NRXN3: variants seen among roughly 807,000 people sequenced by gnomAD.
NRXN3 encodes the protein neurexin 3.
NRXN3 carries 32 observed loss-of-function variants against 137.6 expected under a neutral mutation model. The observed-to-expected ratio is 0.23, with a 90% CI of 0.18 to 0.31. NRXN3 has a LOEUF of 0.31. NRXN3 is among the 10% of genes least tolerant of loss of function. The pLI is 1.00. For missense variants in NRXN3, 1,574 were observed against 2,062.5 expected (o/e 0.76, Z 4.59); for synonymous variants, 798 against 784.5 (o/e 1.02, Z -0.29).
In NRXN3 at chr14:79,744,201, T is replaced by C. The variant is rs117521107; in HGVS notation, c.4014+46264T>C. Among the ~76,000 whole-genome samples the C allele has an allele frequency of 5.5e-3, 835 of 152,298 alleles. 4 individuals carry two copies. The highest frequency in any genetic ancestry group is 9.8e-3 in the Non-Finnish European group (669 of 68,032). ...ACTGTTGTTGGCCACAGAGCTTCAATATGTCGTGAACAAGGGTTAGATGTG... is the reference window on the plus strand; with the variant it reads ...ACTGTTGTTGGCCACAGAGCTTCAACATGTCGTGAACAAGGGTTAGATGTG... On this transcript the variant is annotated intron_variant, in intron 19 of 20. Coordinates refer to ENST00000335750, the MANE Select transcript of NRXN3 (RefSeq NM_001330195.2).
intron 16 of NRXN3, among the ~76,000 whole-genome samples, chr14:79,503,795 T>C (rs144992933): frequency 6.6e-6 from 1 of 152,316 alleles, no homozygotes; most frequent in African/African-American, 2.4e-5. Flanking sequence ...AATGAGGTGA[T>C]GAATCAATCC....
chr14:79,256,178 C>G (rs948208050), intron 15 of NRXN3, among the ~76,000 whole-genome samples: 2 of 151,138 alleles, frequency 1.3e-5, no homozygotes, highest in Admixed American at 6.6e-5. Flanking sequence ...CTCTGTCTCT[C>G]TCTCTCTCTC....
intron 4 of NRXN3, among the ~76,000 whole-genome samples, chr14:78,584,895 G>A (rs2097045686): frequency 6.6e-6 from 1 of 151,996 alleles, no homozygotes; most frequent in African/African-American, 2.4e-5. Flanking sequence ...ACTAGATGAT[G>A]GTATTATATA....
At chr14:79,776,896 C>CTGGGGCTACTTATCAAA (rs1236007154) in intron 19 of NRXN3, among the ~76,000 whole-genome samples, 3 of 152,214 alleles carry the variant, frequency 2.0e-5, no homozygotes, top group Non-Finnish European at 4.4e-5. Flanking sequence ...TTTGGTTGTT[C>CTGGGGCTACTTATCAAA]ATCTGATTCA....
intron 15 of NRXN3, among the ~76,000 whole-genome samples, chr14:79,384,953 A>G (rs1793618548): frequency 6.6e-6 from 1 of 152,232 alleles, no homozygotes; most frequent in African/African-American, 2.4e-5. Flanking sequence ...ACTGTTAATT[A>G]GTTAGTGGTT....
intron 10 of NRXN3, among the ~76,000 whole-genome samples, chr14:78,916,704 A>G (rs532779070): frequency 2.6e-5 from 4 of 152,350 alleles, no homozygotes; most frequent in Admixed American, 2.0e-4. Flanking sequence ...GTGATAGAGC[A>G]TACCTCACGT....
At chr14:78,171,801 A>C (rs1595535815) in intron 1 of NRXN3, among the ~76,000 whole-genome samples, 1 of 152,306 alleles carries the variant, frequency 6.6e-6, no homozygotes, top group Non-Finnish European at 1.5e-5. Flanking sequence ...TGGATGTAGA[A>C]ATATCATCAT....
At chr14:79,821,627 A>G (rs2099272731) in intron 20 of NRXN3, among the ~76,000 whole-genome samples, 1 of 149,854 alleles carries the variant, frequency 6.7e-6, no homozygotes, top group Non-Finnish European at 1.5e-5. Flanking sequence ...ACATTATCAA[A>G]TTAAACAGCA....
intron 16 of NRXN3, among the ~76,000 whole-genome samples, chr14:79,526,749 T>A (rs972017125): frequency 1.3e-5 from 2 of 152,106 alleles, no homozygotes; most frequent in African/African-American, 4.8e-5. Flanking sequence ...TATGTAACAA[T>A]GTACAGCTAG....
chr14:79,073,399 T>G (rs991640678), intron 15 of NRXN3, among the ~76,000 whole-genome samples: 7 of 152,186 alleles, frequency 4.6e-5, no homozygotes, highest in African/African-American at 1.7e-4. Flanking sequence ...GATTAGTATC[T>G]TAAAGACAAA....
At chr14:78,252,896 T>G (rs964573787) in intron 2 of NRXN3, among the ~76,000 whole-genome samples, 1 of 152,264 alleles carries the variant, frequency 6.6e-6, no homozygotes, top group East Asian at 1.9e-4. Context: ...CACTTCTTTG[T>G]GATCCACATC....
chr14:79,153,242 T>C (rs930281953), intron 15 of NRXN3, among the ~76,000 whole-genome samples: 1 of 152,038 alleles, frequency 6.6e-6, no homozygotes, highest in African/African-American at 2.4e-5. Context: ...AACACAGCTA[T>C]TTTCAAAACA....
At chr14:78,471,997 G>A (rs1388770271) in intron 4 of NRXN3, among the ~76,000 whole-genome samples, 2 of 152,252 alleles carry the variant, frequency 1.3e-5, no homozygotes, top group East Asian at 1.9e-4. Flanking sequence ...GAGAATCCCC[G>A]AAAAAGAAAG....
intron 15 of NRXN3, among the ~76,000 whole-genome samples, chr14:79,126,046 C>A (rs371376760): frequency 3.0e-4 from 45 of 152,110 alleles, no homozygotes; most frequent in African/African-American, 1.0e-3. Flanking sequence ...CACAAAGTAC[C>A]TAAAAAATTG....
chr14:79,227,316 A>T (rs750916803), intron 15 of NRXN3, among the ~76,000 whole-genome samples: 3 of 151,978 alleles, frequency 2.0e-5, no homozygotes, highest in South Asian at 2.1e-4. Context: ...TTCACCTCTT[A>T]TACTTTCGTG....
intron 10 of NRXN3, among the ~76,000 whole-genome samples, chr14:78,822,941 T>C (rs908683505): frequency 6.6e-6 from 1 of 152,090 alleles, no homozygotes; most frequent in African/African-American, 2.4e-5. Context: ...ATACCTCCTA[T>C]CTCTGTAGGT....
intron 15 of NRXN3, among the ~76,000 whole-genome samples, chr14:79,346,423 A>G (rs112652140): frequency 0.025 from 3,805 of 152,308 alleles, 75 homozygotes; most frequent in Non-Finnish European, 0.039. Flanking sequence ...CTCTGTCTCA[A>G]AAAATAAGAT....
At chr14:79,413,344 ACCT>A (rs1412546309) in intron 15 of NRXN3, among the ~76,000 whole-genome samples, 2 of 150,884 alleles carry the variant, frequency 1.3e-5, no homozygotes, top group Non-Finnish European at 3.0e-5. Context: ...TTTTAGAAGC[ACCT>A]CCTCCTTCCA....
intron 16 of NRXN3, among the ~76,000 whole-genome samples, chr14:79,568,567 G>T (rs565689613): frequency 6.6e-6 from 1 of 152,094 alleles, no homozygotes; most frequent in African/African-American, 2.4e-5. Flanking sequence ...AGTCTAAAAG[G>T]CCCCAATATT....
Sources: gnomAD v4.1 joint callset for allele counts (sites outside exome capture counted in the v4.1 genomes callset) on GRCh38, gnomAD v4.1.1 for gene constraint, MANE v1.5 for transcripts, NCBI Gene and HGNC (gene_info 2026-07-23, HGNC 2026-07-21) for gene names.